PKM: variants seen among roughly 807,000 people sequenced by gnomAD.
PKM encodes pyruvate kinase M1/2.
In PKM, 18 loss-of-function variants were observed where a neutral mutation model predicts 49.8. The observed-to-expected ratio is 0.36, with a 90% CI of 0.25 to 0.54. The LOEUF (loss-of-function observed/expected upper bound fraction) is 0.54. Ranked by LOEUF, PKM falls within the 20% of genes least tolerant of loss-of-function variation. The probability of loss-of-function intolerance (pLI) is 0.89; values close to 1 mark genes in which losing one functional copy is unlikely to be tolerated. For synonymous variants in PKM, 239 were observed against 261.8 expected (o/e 0.91, Z 0.84); for missense variants, 508 against 713.8 (o/e 0.71, Z 3.28).
Position 72,210,388 on chromosome 15 carries a change from C to CT in PKM, c.336dup (p.Asp113ArgfsTer3). On this transcript the variant is annotated frameshift_variant, in exon 4 of 11. Coordinates refer to ENST00000335181, the MANE Select transcript of PKM (RefSeq NM_002654.6). LOFTEE classifies it high-confidence loss of function. ...GTTCGGATCTCAGGTCCTTTAGTGT[C>CT]TAGAGCCACAGCAACGGGCCGGTAG... 6.2e-7 allele frequency: 1 copy of CT among 1,614,190 alleles called. No homozygotes were observed. Among genetic ancestry groups the CT allele is most frequent in the Non-Finnish European group, 8.5e-7 (1 of 1,180,038 alleles).
chr15:72,224,279 T>C (rs937475748), intron 1 of PKM, among the ~76,000 whole-genome samples: 2 of 152,146 alleles, frequency 1.3e-5, no homozygotes, highest in Non-Finnish European at 2.9e-5. Context: ...ATCCACACTC[T>C]AAAATCAGCA....
intron 1 of PKM, chr15:72,222,311 T>A (rs2082548126): frequency 6.6e-6 from 1 of 152,136 alleles, no homozygotes; most frequent in African/African-American, 2.4e-5. Context: ...GCCAGAGACC[T>A]CATATCTCAT....
At position 72,206,707 on chromosome 15, in the gene PKM, G is replaced by A. The variant is rs199922908; in HGVS notation, c.1140+21C>T. 8.1e-5 allele frequency: 131 copies of A among 1,611,654 alleles called. 1 individual carries two copies. Among genetic ancestry groups the A allele is most frequent in the Non-Finnish European group, 9.8e-5 (116 of 1,179,526 alleles). ...GGCCCAGTCCGAAGCCCTGGGGGATGGGGCAGGCCCCAGAACTCACCAGGT... is the reference window on the plus strand; with the variant it reads ...GGCCCAGTCCGAAGCCCTGGGGGATAGGGCAGGCCCCAGAACTCACCAGGT... On this transcript the variant is annotated intron_variant, in intron 8 of 10. Coordinates refer to ENST00000335181, the MANE Select transcript of PKM (RefSeq NM_002654.6).
intron 1 of PKM, among the ~76,000 whole-genome samples, chr15:72,230,316 C>T (rs2082819659): frequency 6.6e-6 from 1 of 152,128 alleles, no homozygotes; most frequent in African/African-American, 2.4e-5. Flanking sequence ...TCCCGCCCGC[C>T]GCGCGGGGCA....
intron 3 of PKM, among the ~76,000 whole-genome samples, chr15:72,211,225 G>A (rs377216998): frequency 1.3e-5 from 2 of 152,106 alleles, no homozygotes; most frequent in East Asian, 3.9e-4. Context: ...CCACCACCAC[G>A]CCTGGCTAAC....
intron 8 of PKM, chr15:72,203,687 G>T: frequency 5.9e-6 from 1 of 169,554 alleles, no homozygotes; most frequent in Admixed American, 5.7e-5. Context: ...CCTTTCCAAT[G>T]GCCTGCCATG....
intron 1 of PKM, chr15:72,230,906 T>G: frequency 7.8e-7 from 1 of 1,286,092 alleles, no homozygotes; most frequent in South Asian, 1.2e-5. Flanking sequence ...CCGCCTGATC[T>G]GGAAGGAACG....
chr15:72,230,687 A>AG (rs1300783324), intron 1 of PKM, among the ~76,000 whole-genome samples: 1 of 151,852 alleles, frequency 6.6e-6, no homozygotes, highest in Non-Finnish European at 1.5e-5. Flanking sequence ...CTTGAAGAGG[A>AG]GGGGGTGGAA....
chr15:72,230,306 T>A (rs1312629237), intron 1 of PKM, among the ~76,000 whole-genome samples: 1 of 151,972 alleles, frequency 6.6e-6, no homozygotes, highest in African/African-American at 2.4e-5. Flanking sequence ...GGCCGCCGCA[T>A]CCCGCCCGCC....
At chr15:72,207,870 C>T (rs1429961244) in intron 6 of PKM, among the ~76,000 whole-genome samples, 1 of 152,250 alleles carries the variant, frequency 6.6e-6, no homozygotes, top group African/African-American at 2.4e-5. Flanking sequence ...ACAGTAAGGC[C>T]ACTACAGTGG....
rs1205093025 is a variant in PKM at position 72,208,711 on chromosome 15, G to A, written c.746C>T (p.Ser249Phe). 1.3e-5 allele frequency: 21 copies of A among 1,614,124 alleles called. No individual in the cohort carries two copies. Among genetic ancestry groups the A allele is most frequent in the Non-Finnish European group, 1.7e-5 (20 of 1,179,994 alleles). Reference sequence around the variant, plus strand: ...GACCTTCCTAACTTCATGGACATCAGATGCCTTGCGGATGAATGACGCAAA... The same window carrying A: ...GACCTTCCTAACTTCATGGACATCAAATGCCTTGCGGATGAATGACGCAAA... ...MVFASFIRKA[S>F]DVHEVRKVLG... is the part of the protein sequence containing the mutation. The change falls in exon 6 of 11, where the codon TCT becomes TTT. Residue 249 changes from serine (S) to phenylalanine (F), a missense_variant. By Grantham distance (155) the Ser-to-Phe change is radical. Transcript: ENST00000335181.
Position 72,212,376 on chromosome 15 carries a change from G to A in PKM, c.247-1898C>T, listed in dbSNP as rs137951707. Among the ~76,000 whole-genome samples, 676 of 152,072 alleles carry A rather than the reference G, an allele frequency of 4.4e-3. 3 individuals carry two copies. The highest frequency in any genetic ancestry group is 0.014 in the Middle Eastern group (4 of 294). ...TGTAGTCCCAGCTATTCAGGAGGCT[G>A]AGGCAAGAGAACCACTTGAACCTAG... On this transcript the variant is annotated intron_variant, in intron 3 of 10. Coordinates refer to ENST00000335181, the MANE Select transcript of PKM (RefSeq NM_002654.6).
chr15:72,230,162 C>G (rs953121305), intron 1 of PKM, among the ~76,000 whole-genome samples: 1 of 152,154 alleles, frequency 6.6e-6, no homozygotes, highest in African/African-American at 2.4e-5. Context: ...TCTCGGGCCC[C>G]GAGCCATTCC....
Position 72,202,367 on chromosome 15 carries a change from G to A in PKM, c.1307+87C>T, listed in dbSNP as rs868792161. On this transcript the variant is annotated intron_variant, in intron 9 of 10. Transcript: ENST00000335181. This position sits in a 1 kb window ranked among gnomAD's most constrained non-coding sequence, Gnocchi z 4.5. Reference sequence around the variant, plus strand: ...GTCTTACCTTGGCTCAGTGCCACCTGAGCATTGTTCAATGGACTGCTCCCA... The same window carrying A: ...GTCTTACCTTGGCTCAGTGCCACCTAAGCATTGTTCAATGGACTGCTCCCA... 81 of 1,368,782 alleles carry A rather than the reference G, an allele frequency of 5.9e-5. No individual in the cohort carries two copies. The Middle Eastern group carries it at 1.2e-3, about 21-fold the overall frequency. The allele number at this position is 1,368,782 out of a possible 1,614,324, so 84.8% of individuals were successfully genotyped here. A position where few individuals can be genotyped will look rare whatever the true frequency, so the allele number is the denominator to read the frequency against.
At chr15:72,222,998 C>A (rs898534295) in intron 1 of PKM, among the ~76,000 whole-genome samples, 2 of 151,250 alleles carry the variant, frequency 1.3e-5, no homozygotes, top group Non-Finnish European at 2.9e-5. Context: ...ATACCCAACA[C>A]TCCTCCCTCC....
chr15:72,221,626 G>C (rs1336378317), intron 1 of PKM, among the ~76,000 whole-genome samples: 9 of 151,828 alleles, frequency 5.9e-5, no homozygotes, highest in Non-Finnish European at 1.5e-5. Flanking sequence ...TACTTTTATA[G>C]TAAGAAATTA....
In PKM at chr15:72,202,507, C is replaced by A; in HGVS notation, c.1254G>T (p.Glu418Asp). The A allele has an allele frequency of 1.2e-6, 2 of 1,613,766 alleles. No individual in the cohort carries two copies. The highest frequency in any genetic ancestry group is 2.2e-5 in the East Asian group (1 of 44,880). Residue 418 changes from glutamate to aspartate, a missense_variant, in exon 9 of 11, where the codon GAG (glutamate) becomes GAT (aspartate). Transcript: ENST00000335181. This position sits in a 1 kb window ranked among gnomAD's most constrained non-coding sequence, Gnocchi z 4.5. Reference sequence around the variant, plus strand: ...CCCCACTGCAGCACTTGAAGGAGGCCTCCACGGCACCCACGGCGGTGGCTT... The same window carrying A: ...CCCCACTGCAGCACTTGAAGGAGGCATCCACGGCACCCACGGCGGTGGCTT... ...PTEATAVGAV[E>D]ASFKCCSGAI...
chr15:72,207,576 A>C (rs897522020), intron 6 of PKM, among the ~76,000 whole-genome samples: 1 of 152,224 alleles, frequency 6.6e-6, no homozygotes, highest in Admixed American at 6.5e-5. Flanking sequence ...TCCAAATCCC[A>C]TGCATGTTAG....
intron 6 of PKM, among the ~76,000 whole-genome samples, chr15:72,207,622 T>C (rs964156144): frequency 1.3e-5 from 2 of 152,212 alleles, no homozygotes; most frequent in African/African-American, 4.8e-5. Context: ...CAATCAGCAC[T>C]TCAAGACAGG....
Sources: gnomAD v4.1 joint callset for allele counts (sites outside exome capture counted in the v4.1 genomes callset) on GRCh38, gnomAD v4.1.1 for gene constraint, Gnocchi (gnomAD v3.1) non-coding constraint, MANE v1.5 for transcripts, NCBI Gene and HGNC (gene_info 2026-07-23, HGNC 2026-07-21) for gene names.